Variants in EIF2S3 observed in about 807,000 individuals in gnomAD.
EIF2S3 encodes the protein eukaryotic translation initiation factor 2 subunit gamma.
A neutral mutation model predicts 31.7 loss-of-function variants in EIF2S3; 2 were observed. The observed-to-expected ratio is 0.06, with a 90% CI of 0.03 to 0.20. The LOEUF (loss-of-function observed/expected upper bound fraction) is 0.20, where lower values mean the gene tolerates loss of function less well. Ranked by LOEUF, EIF2S3 falls within the 10% of genes least tolerant of loss-of-function variation. EIF2S3 has a pLI of 1.00. For synonymous variants in EIF2S3, 120 were observed against 126.7 expected, an observed-to-expected ratio of 0.95 and a Z score of 0.36; for missense variants, 96 against 359.3, an observed-to-expected ratio of 0.27 and a Z score of 5.92.
chrX:24,069,425 C>T (rs1267308274), intron 9 of EIF2S3, among the ~76,000 whole-genome samples: 3 of 106,562 alleles, frequency 2.8e-5, no homozygotes, highest in African/African-American at 1.0e-4. Context: ...ATGAATTTAC[C>T]AGGTTGGGTA....
At chrX:24,068,408 T>C (rs1343462306) in intron 9 of EIF2S3, among the ~76,000 whole-genome samples, 3 of 111,874 alleles carry the variant, frequency 2.7e-5, no homozygotes, top group Non-Finnish European at 5.6e-5. Flanking sequence ...CCTACACTTA[T>C]GTTTTTGTTA....
At chrX:24,067,936 A>C in intron 8 of EIF2S3, 28 bp from the exon 9 acceptor site, 1 of 1,157,202 alleles carries the variant, frequency 8.6e-7, no homozygotes, top group Non-Finnish European at 1.2e-6. Context: ...TAACACAGTA[A>C]TTCTAATTAC....
rs1298902048 is a variant in EIF2S3 at position 24,066,187 on chromosome X, G to A, written c.867+95G>A. The A allele has an allele frequency of 2.2e-5, 13 of 592,017 alleles. No individual in the cohort carries two copies. The Admixed American group carries it at 3.9e-4, about 18-fold the overall frequency. The allele number at this position is 592,017 out of a possible 1,213,427, so 48.8% of individuals were successfully genotyped here. Reference sequence around the variant, plus strand: ...TGTCTTAATCAGGAAAAAAAGTATGGACAATCCAAATTGAAAAATAAAATT... The same window carrying A: ...TGTCTTAATCAGGAAAAAAAGTATGAACAATCCAAATTGAAAAATAAAATT... On this transcript the variant is annotated intron_variant, in intron 8 of 11. Coordinates refer to ENST00000253039, the MANE Select transcript of EIF2S3 (RefSeq NM_001415.4).
chrX:24,064,338 A>G lies in EIF2S3; in HGVS notation c.772+3A>G. 1 of 1,168,032 alleles carries G rather than the reference A, an allele frequency of 8.6e-7. No homozygotes were observed. The highest frequency in any genetic ancestry group is 1.1e-6 in the Non-Finnish European group (1 of 877,868). On this transcript the variant is annotated splice_donor_region_variant and intron_variant, in intron 7 of 11. Transcript: ENST00000253039. ...TACTTCAGAGCCCCGGCTTATTGGT[A>G]AGTGATAGGATTTGCCTTTAACTCT...
chrX:24,067,554 A>G, intron 8 of EIF2S3, among the ~76,000 whole-genome samples: 1 of 93,459 alleles, frequency 1.1e-5, no homozygotes, highest in African/African-American at 4.0e-5. Flanking sequence ...TTGCCTTTTC[A>G]GTTTTATGGT....
intron 2 of EIF2S3, among the ~76,000 whole-genome samples, chrX:24,056,893 T>TA (rs1019798326): frequency 8.9e-6 from 1 of 112,020 alleles, no homozygotes; most frequent in African/African-American, 3.2e-5. Flanking sequence ...AGCTGTTAGT[T>TA]ACATGGAAGT....
At chrX:24,065,944 T>C in intron 7 of EIF2S3, 54 bp from the exon 8 acceptor site, 1 of 1,040,224 alleles carries the variant, frequency 9.6e-7, no homozygotes, top group Non-Finnish European at 1.3e-6. Flanking sequence ...TGGAAAATAA[T>C]ATTTCTTCTA....
At chrX:24,066,372 ATGTGTGATATTTGTCTTT>A (rs1602044873) in intron 8 of EIF2S3, among the ~76,000 whole-genome samples, 1 of 109,745 alleles carries the variant, frequency 9.1e-6, no homozygotes, top group Non-Finnish European at 1.9e-5. Flanking sequence ...ATGAGTGAGA[ATGTGTGATATTTGTCTTT>A]TTGTGCCTGG....
rs755153516 is a variant in EIF2S3, at chrX:24,078,482, G to A, written c.*1697G>A. On this transcript the variant is annotated 3_prime_UTR_variant, in exon 12 of 12. Coordinates refer to ENST00000253039, the MANE Select transcript of EIF2S3 (RefSeq NM_001415.4). ...TTTAATTGGCTTGGAGTAGAATTCAGGCATTGATATCTTTAAAAACTCCCC... is the reference window on the plus strand; with the variant it reads ...TTTAATTGGCTTGGAGTAGAATTCAAGCATTGATATCTTTAAAAACTCCCC... Among the ~76,000 whole-genome samples the A allele has an allele frequency of 1.6e-3, 182 of 111,330 alleles. No homozygotes were observed. Among genetic ancestry groups the A allele is most frequent in the Non-Finnish European group, 2.8e-3 (150 of 53,105 alleles).
In EIF2S3 at chrX:24,060,008, A is replaced by G. The variant is rs373483323; in HGVS notation, c.384-80A>G. 3.0e-5 allele frequency: 23 copies of G among 770,543 alleles called. No individual in the cohort carries two copies. The East Asian group carries it at 4.8e-4, about 16-fold the overall frequency. The allele number at this position is 770,543 out of a possible 1,213,427, so 63.5% of individuals were successfully genotyped here. A position where few individuals can be genotyped will look rare whatever the true frequency, so the allele number is the denominator to read the frequency against. ...AGCAATAAGATTATTTCCTAAGTTG[A>G]TTTAACTTTAAAAAATCTAAAACTA... is the stretch of plus-strand genomic sequence containing the variant. On this transcript the variant is annotated intron_variant, in intron 4 of 11. Transcript: ENST00000253039.
At chrX:24,063,469 C>T (rs1198195622) in intron 6 of EIF2S3, among the ~76,000 whole-genome samples, 1 of 111,513 alleles carries the variant, frequency 9.0e-6, no homozygotes, top group African/African-American at 3.3e-5. Context: ...GCTTGTTTGA[C>T]GTATAATCAA....
Position 24,066,099 on chromosome X carries a change from T to C in EIF2S3, c.867+7T>C, listed in dbSNP as rs1602044629. ...CCTAAAAGGAGTATTAAAGGTAAAA[T>C]GGGTTTTGGTTGTTGTGATTTTGGG... On this transcript the variant is annotated splice_region_variant and intron_variant, in intron 8 of 11. Transcript: ENST00000253039. The C allele has an allele frequency of 1.7e-5, 19 of 1,114,338 alleles. No individual in the cohort carries two copies. The highest frequency in any genetic ancestry group is 3.1e-5 in the East Asian group (1 of 32,760). The allele number at this position is 1,114,338 out of a possible 1,213,427, so 91.8% of individuals were successfully genotyped here.
intron 2 of EIF2S3, among the ~76,000 whole-genome samples, chrX:24,056,944 G>A (rs778586308): frequency 1.1e-3 from 127 of 112,765 alleles, no homozygotes; most frequent in African/African-American, 3.7e-3. Flanking sequence ...CTAGTAGGAA[G>A]GGGTATGGAG....
intron 11 of EIF2S3, among the ~76,000 whole-genome samples, chrX:24,074,862 C>CTTTTTTTTTTTTTTTTTTTTTTTTTTTT (rs758813480): frequency 8.4e-5 from 4 of 47,473 alleles, no homozygotes; most frequent in Admixed American, 4.2e-4. Flanking sequence ...TTTTCTTCTT[C>CTTTTTTTTTTTTTTTTTTTTTTTTTTTT]TTTTTTTTTT....
intron 5 of EIF2S3, 110 bp from the exon 6 acceptor site, chrX:24,062,306 C>T (rs1487737583): frequency 1.1e-6 from 1 of 869,663 alleles, no homozygotes; most frequent in Non-Finnish European, 1.6e-6. Flanking sequence ...GTTTTCCTCC[C>T]CCAGCCCCTT....
chrX:24,070,774 C>A (rs1569280133), intron 9 of EIF2S3, among the ~76,000 whole-genome samples: 1 of 111,768 alleles, frequency 8.9e-6, no homozygotes, highest in Non-Finnish European at 1.9e-5. Context: ...ATCAGTCTTT[C>A]AGGGGAGAAA....
At chrX:24,076,418 C>T (rs933105534) in intron 11 of EIF2S3, among the ~76,000 whole-genome samples, 3 of 111,181 alleles carry the variant, frequency 2.7e-5, no homozygotes, top group African/African-American at 9.8e-5. Context: ...CCTGTAGTCC[C>T]AGCTACTCGG....
chrX:24,074,178 A>C (rs183730205), intron 11 of EIF2S3, among the ~76,000 whole-genome samples: 68 of 112,270 alleles, frequency 6.1e-4, no homozygotes, highest in African/African-American at 2.1e-3. Context: ...TTGATCTTTA[A>C]TCTGGAGCTT....
intron 11 of EIF2S3, among the ~76,000 whole-genome samples, chrX:24,074,846 AT>A (rs1257127886): frequency 8.0e-5 from 3 of 37,633 alleles, no homozygotes; most frequent in Admixed American, 3.5e-4. Flanking sequence ...TGTACTCATC[AT>A]TTTTTTTTCT....
Sources: allele counts gnomAD v4.1 joint callset (sites outside exome capture counted in the v4.1 genomes callset), GRCh38; gene constraint gnomAD v4.1.1; transcripts MANE v1.5; gene names NCBI Gene and HGNC (gene_info 2026-07-23, HGNC 2026-07-21).